The following RARB variants were observed in gnomAD, a reference collection of about 807,000 sequenced individuals.
The protein encoded by RARB is HBV-activated protein.
Under a neutral mutation model 51.9 loss-of-function variants are expected in RARB, and 17 were observed. The observed-to-expected ratio is 0.33, with a 90% CI of 0.22 to 0.49. RARB has a LOEUF of 0.49. Ranked by LOEUF, RARB falls within the 20% of genes least tolerant of loss-of-function variation. The pLI, the probability that RARB is intolerant of heterozygous loss-of-function variation, is 0.99. For missense variants in RARB, 369 were observed against 550.8 expected (o/e 0.67, Z 3.30); for synonymous variants, 215 against 195.4 (o/e 1.10, Z -0.84).
chr3:25,475,361 G>T (rs759650997), intron 2 of RARB, among the ~76,000 whole-genome samples: 21 of 151,492 alleles, frequency 1.4e-4, no homozygotes, highest in Non-Finnish European at 2.5e-4. Context: ...ATGTTTACCT[G>T]TATTATATCG....
intron 3 of RARB, among the ~76,000 whole-genome samples, chr3:25,538,355 C>T (rs1315349980): frequency 2.0e-5 from 3 of 152,114 alleles, no homozygotes; most frequent in South Asian, 2.1e-4. Flanking sequence ...CTTGGTAATG[C>T]GGGCTCCTTT....
Position 25,222,038 on chromosome 3 carries a change from G to A in RARB, c.178+47463G>A, listed in dbSNP as rs371828891. Among the ~76,000 whole-genome samples, 120 of 152,270 alleles carry A rather than the reference G, an allele frequency of 7.9e-4. 1 individual carries two copies. In the South Asian group the frequency reaches 0.021, roughly 27 times the overall value. On this transcript the variant is annotated intron_variant, in intron 5 of 11. Coordinates refer to the RARB transcript ENST00000383772. The stretch of plus-strand genomic sequence containing the variant: ...GCCCTCCTTTCATGGGAGCGTAATC[G>A]GAACGAGCTATCACTCTCATTAAGT...
chr3:25,250,923 C>T (rs1450999647), intron 5 of RARB, among the ~76,000 whole-genome samples: 2 of 152,154 alleles, frequency 1.3e-5, no homozygotes, highest in African/African-American at 4.8e-5. Flanking sequence ...TTCACTTACC[C>T]TTTTCCCACA....
intron 5 of RARB, among the ~76,000 whole-genome samples, chr3:25,325,908 T>G (rs1381553454): frequency 6.6e-6 from 1 of 152,198 alleles, no homozygotes; most frequent in Non-Finnish European, 1.5e-5. Flanking sequence ...GGACTCAGTT[T>G]TAGCTAAGTC....
intron 3 of RARB, among the ~76,000 whole-genome samples, chr3:25,123,503 C>T (rs910020472): frequency 6.6e-6 from 1 of 152,206 alleles, no homozygotes; most frequent in African/African-American, 2.4e-5. Context: ...TTCACACTGA[C>T]AGTGGCTATA....
At chr3:25,367,568 T>G (rs899218872) in intron 5 of RARB, among the ~76,000 whole-genome samples, 10 of 151,426 alleles carry the variant, frequency 6.6e-5, no homozygotes, top group Non-Finnish European at 1.2e-4. Flanking sequence ...TTAACCTCAT[T>G]ACTTTGGGAG....
At chr3:25,220,205 T>C (rs1701917591) in intron 5 of RARB, among the ~76,000 whole-genome samples, 1 of 152,202 alleles carries the variant, frequency 6.6e-6, no homozygotes, top group Non-Finnish European at 1.5e-5. Flanking sequence ...GACAGCTACA[T>C]TTCCCTAACT....
At chr3:25,382,097 G>T (rs1026999491) in intron 5 of RARB, among the ~76,000 whole-genome samples, 2 of 152,110 alleles carry the variant, frequency 1.3e-5, no homozygotes, top group Non-Finnish European at 2.9e-5. Flanking sequence ...GGCCCCAGAA[G>T]GGAATTGCTT....
chr3:25,102,206 G>A (rs1402673122), intron 3 of RARB, among the ~76,000 whole-genome samples: 1 of 152,162 alleles, frequency 6.6e-6, no homozygotes, highest in Non-Finnish European at 1.5e-5. Context: ...TAAGATGGCA[G>A]ATATCCCCAC....
chr3:24,880,878 C>T (rs1295673871), intron 2 of RARB, among the ~76,000 whole-genome samples: 1 of 152,206 alleles, frequency 6.6e-6, no homozygotes, highest in Non-Finnish European at 1.5e-5. Flanking sequence ...TCTTTTTCCA[C>T]ATTAATGTCT....
intron 3 of RARB, among the ~76,000 whole-genome samples, chr3:25,105,171 T>C (rs1334642623): frequency 6.6e-6 from 1 of 152,108 alleles, no homozygotes; most frequent in Non-Finnish European, 1.5e-5. Context: ...CAGTTTTTAC[T>C]TTTGCTCCCC....
chr3:25,449,756 CTTT>C (rs11333842), intron 1 of RARB, among the ~76,000 whole-genome samples: 9 of 146,766 alleles, frequency 6.1e-5, no homozygotes, highest in Admixed American at 1.4e-4. Context: ...TTCTCTCTCT[CTTT>C]TTTTTTTTTT....
At chr3:25,129,310 T>C (rs1699908625) in intron 3 of RARB, among the ~76,000 whole-genome samples, 1 of 152,096 alleles carries the variant, frequency 6.6e-6, no homozygotes, top group African/African-American at 2.4e-5. Context: ...TTTTTATTTT[T>C]CCACAATATA....
chr3:25,398,695 C>A (rs1294234561), intron 5 of RARB, among the ~76,000 whole-genome samples: 2 of 152,120 alleles, frequency 1.3e-5, no homozygotes, highest in African/African-American at 4.8e-5. Context: ...AAGCTTAAGT[C>A]CTTAATTTTA....
intron 2 of RARB, among the ~76,000 whole-genome samples, chr3:25,036,729 T>G (rs563373329): frequency 6.6e-6 from 1 of 152,096 alleles, no homozygotes; most frequent in Admixed American, 6.5e-5. Context: ...CGGAGAGCAA[T>G]GGTCTGGTTA....
At chr3:25,208,629 A>T (rs1346019683) in intron 5 of RARB, among the ~76,000 whole-genome samples, 1 of 152,176 alleles carries the variant, frequency 6.6e-6, no homozygotes, top group East Asian at 1.9e-4. Flanking sequence ...AGAAAAGAGA[A>T]AACATCTCAC....
At chr3:25,313,346 C>T (rs963816812) in intron 5 of RARB, among the ~76,000 whole-genome samples, 3 of 152,176 alleles carry the variant, frequency 2.0e-5, no homozygotes, top group Admixed American at 2.0e-4. Flanking sequence ...TTTCTAGGGA[C>T]GGCCCTGGCA....
chr3:25,466,151 T>C (rs1388828033), intron 2 of RARB, among the ~76,000 whole-genome samples: 2 of 152,232 alleles, frequency 1.3e-5, no homozygotes, highest in South Asian at 2.1e-4. Context: ...AAGTGATAAG[T>C]ACTAAGTGGC....
intron 2 of RARB, among the ~76,000 whole-genome samples, chr3:24,938,696 C>A (rs1251000264): frequency 6.6e-6 from 1 of 152,188 alleles, no homozygotes; most frequent in Non-Finnish European, 1.5e-5. Context: ...CAAACAGAAG[C>A]TGTGTACCCA....
Sources: allele counts gnomAD v4.1 joint callset (sites outside exome capture counted in the v4.1 genomes callset), GRCh38; gene constraint gnomAD v4.1.1; transcripts MANE v1.5; gene names NCBI Gene and HGNC (gene_info 2026-07-23, HGNC 2026-07-21).